CABIN1: variants seen among roughly 807,000 people sequenced by gnomAD.
CABIN1 encodes calcineurin binding protein 1.
In CABIN1, 133 loss-of-function variants were observed where a neutral mutation model predicts 227.7. That is an observed-to-expected ratio of 0.58 (90% CI 0.51 to 0.67). The LOEUF (loss-of-function observed/expected upper bound fraction) is 0.67, where lower values mean the gene tolerates loss of function less well. CABIN1 is among the 30% of genes least tolerant of loss of function. CABIN1 has a pLI of 0.00. For synonymous variants in CABIN1, 1,086 were observed against 1,155.1 expected (o/e 0.94, Z 1.21); for missense variants, 2,408 against 2,852.5 (o/e 0.84, Z 3.55).
chr22:24,174,139 C>T (rs1191159318), intron 34 of CABIN1, among the ~76,000 whole-genome samples: 2 of 151,650 alleles, frequency 1.3e-5, no homozygotes, highest in African/African-American at 4.8e-5. Context: ...GCCACCAAGC[C>T]TGGCCTGTTT....
At chr22:24,173,716 C>T (rs1022990483) in intron 34 of CABIN1, among the ~76,000 whole-genome samples, 9 of 152,162 alleles carry the variant, frequency 5.9e-5, no homozygotes, top group Non-Finnish European at 1.2e-4. Context: ...TACCTGTAAT[C>T]CCACCTACTC....
At chr22:24,116,436 C>T (rs2147854568) in intron 27 of CABIN1, among the ~76,000 whole-genome samples, 1 of 152,298 alleles carries the variant, frequency 6.6e-6, no homozygotes, top group Non-Finnish European at 1.5e-5. Context: ...GTGACAATGC[C>T]CATGCACCAC....
At chr22:24,116,423 C>T (rs2043091101) in intron 27 of CABIN1, among the ~76,000 whole-genome samples, 1 of 152,168 alleles carries the variant, frequency 6.6e-6, no homozygotes, top group Non-Finnish European at 1.5e-5. Flanking sequence ...AACTAGAGGC[C>T]TAGTGACAAT....
intron 29 of CABIN1, among the ~76,000 whole-genome samples, chr22:24,157,106 CT>C (rs1240541864): frequency 2.0e-5 from 3 of 152,172 alleles, no homozygotes; most frequent in African/African-American, 7.2e-5. Flanking sequence ...CAGGGCGCCC[CT>C]GGTGGCCTGT....
intron 1 of CABIN1, among the ~76,000 whole-genome samples, chr22:24,018,174 G>A (rs2035441499): frequency 1.3e-5 from 2 of 152,100 alleles, no homozygotes; most frequent in Admixed American, 1.3e-4. Context: ...GTTTTTAAGA[G>A]CTGTTTGTAT....
intron 24 of CABIN1, among the ~76,000 whole-genome samples, chr22:24,094,412 G>A (rs1232871228): frequency 2.0e-5 from 3 of 152,202 alleles, no homozygotes; most frequent in Non-Finnish European, 4.4e-5. Context: ...CACAGTGCTG[G>A]CTCCAAGGAG....
At chr22:24,103,911 C>G (rs2042355771) in intron 26 of CABIN1, among the ~76,000 whole-genome samples, 1 of 152,178 alleles carries the variant, frequency 6.6e-6, no homozygotes, top group African/African-American at 2.4e-5. Context: ...GTGCCATGAG[C>G]TGGCAGACGG....
At chr22:24,119,820 GC>G in intron 28 of CABIN1, 122 bp downstream of exon 28, 1 of 1,005,768 alleles carries the variant, frequency 9.9e-7, no homozygotes, top group Non-Finnish European at 1.5e-6. Context: ...GGAGGGATGG[GC>G]GAGGAGAGCT....
At chr22:24,100,147 A>T (rs73879036) in intron 26 of CABIN1, among the ~76,000 whole-genome samples, 4,326 of 149,320 alleles carry the variant, frequency 0.029, 193 homozygotes, top group African/African-American at 0.11. Context: ...ACATTTGTTT[A>T]AAAAAAATGT....
Position 24,066,978 on chromosome 22 carries a change from C to A in CABIN1, c.2038-9C>A. On this transcript the variant is annotated splice_polypyrimidine_tract_variant and intron_variant, in intron 15 of 36. Coordinates refer to ENST00000263119, the MANE Select transcript of CABIN1 (RefSeq NM_012295.4). Reference sequence around the variant, plus strand: ...TTACCCTCATACAGCATTGCCGGGCCTTTTTCAGATTGATAAGAACCTGAA... The same window carrying A: ...TTACCCTCATACAGCATTGCCGGGCATTTTTCAGATTGATAAGAACCTGAA... 6.2e-7 allele frequency: 1 copy of A among 1,614,152 alleles called. No homozygotes were observed. The highest frequency in any genetic ancestry group is 8.5e-7 in the Non-Finnish European group (1 of 1,180,000).
intron 26 of CABIN1, among the ~76,000 whole-genome samples, chr22:24,101,901 G>A (rs2042226489): frequency 1.3e-5 from 2 of 152,080 alleles, no homozygotes; most frequent in South Asian, 4.1e-4. Flanking sequence ...GTGTAATTAC[G>A]CCCTACCACT....
At chr22:24,129,098 C>T (rs1338469999) in intron 28 of CABIN1, among the ~76,000 whole-genome samples, 3 of 152,192 alleles carry the variant, frequency 2.0e-5, no homozygotes, top group Non-Finnish European at 4.4e-5. Context: ...TGCCTTACGG[C>T]TTTGCACATC....
chr22:24,113,603 C>A lies in CABIN1; in HGVS notation c.4155C>A (p.Asp1385Glu), dbSNP rs2042923169. The change falls in exon 27 of 37, where the codon GAC becomes GAA. Residue 1385 changes from aspartate to glutamate, a missense_variant. Transcript: ENST00000263119. ...SQDSTAVALS[D>E]SSSTQDFFNE... is the part of the protein sequence containing the mutation. ...ACAGCACAGCCGTAGCACTCTCAGA[C>A]TCTAGCTCAACGCAGGACTTCTTTA... 1 of 1,614,204 alleles carries A rather than the reference C, an allele frequency of 6.2e-7. No homozygotes were observed. Among genetic ancestry groups the A allele is most frequent in the Non-Finnish European group, 8.5e-7 (1 of 1,180,036 alleles).
At chr22:24,072,290 T>G in intron 17 of CABIN1, 64 bp from the exon 18 acceptor site, 1 of 1,596,176 alleles carries the variant, frequency 6.3e-7, no homozygotes, top group Non-Finnish European at 8.6e-7. Context: ...CTGCCTCCCT[T>G]CAGTCTGCCC....
intron 28 of CABIN1, among the ~76,000 whole-genome samples, chr22:24,125,634 G>A (rs908950105): frequency 2.0e-5 from 3 of 152,212 alleles, no homozygotes; most frequent in Non-Finnish European, 2.9e-5. Context: ...AGGGCATGCT[G>A]GCCACAAAGC....
At chr22:24,042,603 A>C (rs563144879) in intron 5 of CABIN1, among the ~76,000 whole-genome samples, 75 of 152,286 alleles carry the variant, frequency 4.9e-4, no homozygotes, top group African/African-American at 1.8e-3. Flanking sequence ...TTTTTTTAAA[A>C]AATTCTAAGT....
Position 24,084,722 on chromosome 22 carries a change from C to T in CABIN1, c.3054C>T (p.Arg1018=). The change falls in exon 21 of 37, where the codon CGC becomes CGT. Residue 1018 remains arginine (R), a synonymous_variant. Transcript: ENST00000263119. ...LLKRIATIVP[R]TERPALSLDK... ...AGAGAATTGCCACCATTGTGCCTCG[C>T]ACAGAGAGGCCAGCCCTTAGCCTGG... 1 of 1,614,228 alleles carries T rather than the reference C, an allele frequency of 6.2e-7. No homozygotes were observed. Among genetic ancestry groups the T allele is most frequent in the Middle Eastern group, 1.6e-4 (1 of 6,062 alleles).
intron 26 of CABIN1, among the ~76,000 whole-genome samples, chr22:24,113,015 G>C (rs1388604774): frequency 3.9e-5 from 6 of 152,336 alleles, no homozygotes; most frequent in African/African-American, 1.2e-4. Flanking sequence ...CAGCCAGTGA[G>C]TGAGTACAAA....
intron 18 of CABIN1, among the ~76,000 whole-genome samples, chr22:24,074,724 AGGAAGGC>A (rs1451184046): frequency 1.3e-5 from 2 of 152,234 alleles, no homozygotes; most frequent in African/African-American, 4.8e-5. Context: ...AGGGTTTATA[AGGAAGGC>A]GGAGGAAGCA....
Sources: allele counts gnomAD v4.1 joint callset (sites outside exome capture counted in the v4.1 genomes callset), GRCh38; gene constraint gnomAD v4.1.1; transcripts MANE v1.5; gene names NCBI Gene and HGNC (gene_info 2026-07-23, HGNC 2026-07-21).